Variants in AK5 observed in about 807,000 individuals in gnomAD.
The protein encoded by AK5 is adenylate kinase 5.
Under a neutral mutation model 69.5 loss-of-function variants are expected in AK5, and 27 were observed. The ratio of observed to expected loss-of-function variants is 0.39; its 90% CI spans 0.29 to 0.54. AK5 has a LOEUF of 0.54. Ranked by LOEUF, AK5 falls within the 20% of genes least tolerant of loss-of-function variation. The probability of loss-of-function intolerance (pLI) is 0.71; values close to 1 mark genes in which losing one functional copy is unlikely to be tolerated. For missense variants in AK5, 531 were observed against 700.4 expected (o/e 0.76, Z 2.73); for synonymous variants, 260 against 244.4 (o/e 1.06, Z -0.60).
In AK5 at chr1:77,367,603, TATATGTA is replaced by T. The variant is rs1174970282; in HGVS notation, c.891+27040_891+27046del. 5.2e-5 allele frequency among the ~76,000 whole-genome samples: 5 copies of T among 96,540 alleles called. 1 individual carries two copies. Among genetic ancestry groups the T allele is most frequent in the Admixed American group, 1.4e-4 (1 of 7,248 alleles). The allele number at this position is 96,540 out of a possible 152,430, so 63.3% of individuals were successfully genotyped here. ...TAATATATATGTTATATATGTAATA[TATATGTA>T]ATATATATGTTATATATGTAATATA... On this transcript the variant is annotated intron_variant, in intron 6 of 13. Transcript: ENST00000354567.
intron 6 of AK5, among the ~76,000 whole-genome samples, chr1:77,367,551 T>TATATATATATATATA (rs1646974840): frequency 2.0e-4 from 4 of 19,704 alleles, no homozygotes; most frequent in Non-Finnish European, 3.9e-4. Flanking sequence ...CTCATTTATG[T>TATATATATATATATA]TATTTTTATA....
intron 5 of AK5, among the ~76,000 whole-genome samples, chr1:77,300,991 A>G (rs1176154059): frequency 6.6e-6 from 1 of 152,138 alleles, no homozygotes; most frequent in Admixed American, 6.6e-5. Context: ...ACATGCCAAC[A>G]TTTTCCCCAA....
chr1:77,387,705 C>G (rs1648125427), intron 6 of AK5, among the ~76,000 whole-genome samples: 1 of 152,216 alleles, frequency 6.6e-6, no homozygotes, highest in Non-Finnish European at 1.5e-5. Context: ...AGCTTAATCA[C>G]ATGTGTCTGA....
intron 6 of AK5, among the ~76,000 whole-genome samples, chr1:77,381,568 C>T (rs957423109): frequency 1.3e-5 from 2 of 152,128 alleles, no homozygotes; most frequent in African/African-American, 4.8e-5. Context: ...GACAGACATG[C>T]AAACAAGCAG....
chr1:77,292,890 G>A (rs925478742), intron 2 of AK5, among the ~76,000 whole-genome samples: 1 of 152,096 alleles, frequency 6.6e-6, no homozygotes, highest in Non-Finnish European at 1.5e-5. Context: ...ACTTATCGTG[G>A]CTGGTGTTCA....
At chr1:77,399,747 A>G (rs1649080174) in intron 6 of AK5, among the ~76,000 whole-genome samples, 2 of 152,216 alleles carry the variant, frequency 1.3e-5, no homozygotes, top group Non-Finnish European at 2.9e-5. Context: ...TGATGAGAGG[A>G]GAAAAACAGA....
intron 6 of AK5, among the ~76,000 whole-genome samples, chr1:77,348,389 C>T (rs749698301): frequency 3.9e-5 from 6 of 152,124 alleles, no homozygotes; most frequent in East Asian, 1.9e-4. Flanking sequence ...CAGCTTCATC[C>T]GTGTCCCTAC....
intron 5 of AK5, among the ~76,000 whole-genome samples, chr1:77,313,110 T>G (rs1216834218): frequency 6.6e-6 from 1 of 152,162 alleles, no homozygotes; most frequent in Non-Finnish European, 1.5e-5. Context: ...TTATTTTCTG[T>G]TTTTGGTACA....
chr1:77,424,595 C>T (rs1413975195), intron 8 of AK5, among the ~76,000 whole-genome samples: 1 of 152,102 alleles, frequency 6.6e-6, no homozygotes, highest in East Asian at 1.9e-4. Context: ...AAAAGAAATT[C>T]TAGAGATCAA....
chr1:77,448,322 A>G (rs1652884285), intron 8 of AK5, among the ~76,000 whole-genome samples: 1 of 152,176 alleles, frequency 6.6e-6, no homozygotes, highest in South Asian at 2.1e-4. Context: ...TCCAAAGCCC[A>G]TAAAAATCTC....
At chr1:77,401,495 A>G (rs1649213278) in intron 6 of AK5, among the ~76,000 whole-genome samples, 1 of 152,104 alleles carries the variant, frequency 6.6e-6, no homozygotes, top group African/African-American at 2.4e-5. Context: ...CTGAAACAAA[A>G]CAGCCAATTG....
At chr1:77,483,026 A>T (rs1232484077) in intron 8 of AK5, among the ~76,000 whole-genome samples, 9 of 95,122 alleles carry the variant, frequency 9.5e-5, no homozygotes, top group African/African-American at 3.5e-4. Flanking sequence ...AAAAAAAAAA[A>T]AAAAAAAAAA....
rs76579461 is a variant in AK5, at chr1:77,533,978, A to G, written c.1429-1869A>G. ...TTTTTTCCTTCCAATTAATACAGAC[A>G]GAAAAGTCGCATGACCTATTCCAGA... On this transcript the variant is annotated intron_variant, in intron 12 of 13. Transcript: ENST00000354567. 2.8e-4 allele frequency among the ~76,000 whole-genome samples: 42 copies of G among 152,108 alleles called. No homozygotes were observed. The East Asian group carries it at 8.1e-3, about 29-fold the overall frequency.
intron 8 of AK5, among the ~76,000 whole-genome samples, chr1:77,431,098 G>A (rs1478584156): frequency 1.3e-5 from 2 of 152,068 alleles, no homozygotes; most frequent in Non-Finnish European, 1.5e-5. Context: ...TTTAATGGTG[G>A]GAAGTCAAAG....
At chr1:77,446,546 C>G (rs937356642) in intron 8 of AK5, among the ~76,000 whole-genome samples, 1 of 152,114 alleles carries the variant, frequency 6.6e-6, no homozygotes, top group Non-Finnish European at 1.5e-5. Flanking sequence ...ATATTAATTA[C>G]TCTGATCCAT....
chr1:77,550,704 A>G (rs940976948), intron 13 of AK5, among the ~76,000 whole-genome samples: 2 of 152,266 alleles, frequency 1.3e-5, no homozygotes, highest in Admixed American at 1.3e-4. Flanking sequence ...ATATACAAAA[A>G]GATAAATGCC....
chr1:77,321,749 A>T (rs1660546823), intron 5 of AK5, among the ~76,000 whole-genome samples: 1 of 152,190 alleles, frequency 6.6e-6, no homozygotes, highest in African/African-American at 2.4e-5. Flanking sequence ...AGAAGTAGTA[A>T]AAATTCTAAA....
intron 12 of AK5, among the ~76,000 whole-genome samples, chr1:77,531,895 A>T (rs922097109): frequency 4.0e-5 from 6 of 151,490 alleles, no homozygotes; most frequent in African/African-American, 1.5e-4. Flanking sequence ...GCAGGTCCCG[A>T]GCCCTGCCCC....
Position 77,446,788 on chromosome 1 carries a change from A to G in AK5, c.1059+29073A>G, listed in dbSNP as rs574858725. ...AAGCATGTGTTAGCTTATATTTGTAAAGCCGATTTAAAATTAAAATGTGCC... is the reference window on the plus strand; with the variant it reads ...AAGCATGTGTTAGCTTATATTTGTAGAGCCGATTTAAAATTAAAATGTGCC... On this transcript the variant is annotated intron_variant, in intron 8 of 13. Coordinates refer to ENST00000354567, the MANE Select transcript of AK5 (RefSeq NM_174858.3). Among the ~76,000 whole-genome samples the G allele has an allele frequency of 6.6e-5, 10 of 152,334 alleles. No individual in the cohort carries two copies. The East Asian group carries it at 1.3e-3, about 21-fold the overall frequency.
Sources: gnomAD v4.1 joint callset for allele counts (sites outside exome capture counted in the v4.1 genomes callset) on GRCh38, gnomAD v4.1.1 for gene constraint, MANE v1.5 for transcripts, NCBI Gene and HGNC (gene_info 2026-07-23, HGNC 2026-07-21) for gene names.